Variants in RGL2 observed in about 807,000 individuals in gnomAD.
RGL2 encodes the protein ral guanine nucleotide dissociation stimulator-like 2.
A neutral mutation model predicts 84.6 loss-of-function variants in RGL2; 40 were observed. That is an observed-to-expected ratio of 0.47 (90% confidence interval 0.37 to 0.62). The LOEUF (loss-of-function observed/expected upper bound fraction) is 0.62, where lower values mean the gene tolerates loss of function less well. Ranked by LOEUF, RGL2 falls within the 20% of genes least tolerant of loss-of-function variation. The pLI, the probability that RGL2 is intolerant of heterozygous loss-of-function variation, is 0.00. For missense variants in RGL2, 865 were observed against 1,019.7 expected (o/e 0.85, Z 2.07); for synonymous variants, 369 against 417.3 (o/e 0.88, Z 1.41).
rs144269682 is a variant in RGL2, at chr6:33,292,115, C to G, written c.2321G>C (p.Arg774Pro). The G allele has an allele frequency of 6.2e-7, 1 of 1,614,036 alleles. No individual in the cohort carries two copies. Among genetic ancestry groups the G allele is most frequent in the African/African-American group, 1.3e-5 (1 of 74,922 alleles). Reference protein sequence around the residue: ...RIKATGRKIARALF With the variant: ...RIKATGRKIAPALF ...GGGGCTTCCTCCTCAGAACAGTGCC[C>G]GTGCAATCTTCCTCCCTGTGGCCTT... Residue 774 changes from arginine to proline, a missense_variant, in exon 18 of 18, where the codon CGG (arginine) becomes CCG (proline). This residue lies in a region of RGL2 where 302 missense variants were observed against 327.9 expected (regional missense o/e 0.92). Transcript: ENST00000497454.
chr6:33,293,961 C>T lies in RGL2; in HGVS notation c.1387-45G>A, dbSNP rs1355092121. On this transcript the variant is annotated intron_variant, in intron 12 of 17. Coordinates refer to ENST00000497454, the MANE Select transcript of RGL2 (RefSeq NM_004761.5). The surrounding 1 kb of genome is among the most constrained non-coding windows in gnomAD (Gnocchi z 7.0). The stretch of plus-strand genomic sequence containing the variant: ...CTGCAGGAGCCAAAACTCAGGGACC[C>T]CTGACTTTTCCCCCTCCCCTTCCTG... 16 of 1,614,094 alleles carry T rather than the reference C, an allele frequency of 9.9e-6. No homozygotes were observed. The highest frequency in any genetic ancestry group is 1.4e-5 in the Non-Finnish European group (16 of 1,180,016).
Position 33,298,662 on chromosome 6 carries a change from A to C in RGL2, c.-41-11T>G. ...GGGCCATGGGGGCGCCTGGGGAGAG[A>C]CGGGGTGGGGTGGGGGTGGAGAGTC... On this transcript the variant is annotated splice_polypyrimidine_tract_variant and intron_variant, in intron 1 of 17. Coordinates refer to ENST00000497454, the MANE Select transcript of RGL2 (RefSeq NM_004761.5). The surrounding 1 kb of genome is among the most constrained non-coding windows in gnomAD (Gnocchi z 4.8). The C allele has an allele frequency of 1.4e-5, 14 of 986,882 alleles. No individual in the cohort carries two copies. Among genetic ancestry groups the C allele is most frequent in the Non-Finnish European group, 1.8e-5 (13 of 716,720 alleles). 61.1% of individuals were successfully genotyped at this position (986,882 alleles called of 1,614,324 possible).
chr6:33,296,818 T>G lies in RGL2; in HGVS notation c.241-42A>C. On this transcript the variant is annotated intron_variant, in intron 3 of 17. Coordinates refer to ENST00000497454, the MANE Select transcript of RGL2 (RefSeq NM_004761.5). The surrounding 1 kb of genome is among the most constrained non-coding windows in gnomAD (Gnocchi z 5.0). ...GATGATCGCTAACCCTTTCTCCCAC[T>G]CTGCACCTAGATTTCTGAGGACAAT... 3 of 1,611,532 alleles carry G rather than the reference T, an allele frequency of 1.9e-6. No homozygotes were observed. Among genetic ancestry groups the G allele is most frequent in the South Asian group, 1.1e-5 (1 of 91,032 alleles).
Position 33,292,258 on chromosome 6 carries a change from G to T in RGL2, c.2178C>A (p.His726Gln), listed in dbSNP as rs150821437. ...NVFYAMDGAS[H>Q]DFLLRQRRRS... ...TTCGCCGCTGCCGCAGGAGGAAATC[G>T]TGTGAAGCTCCATCCATGGCGTAGA... Residue 726 changes from histidine (H) to glutamine (Q), a missense_variant, in exon 18 of 18, where the codon CAC becomes CAA. Transcript: ENST00000497454. 3.7e-6 allele frequency: 6 copies of T among 1,614,166 alleles called. No individual in the cohort carries two copies. The Admixed American group carries it at 8.3e-5, about 22-fold the overall frequency.
chr6:33,292,947 C>T, intron 16 of RGL2, 69 bp downstream of exon 16: 1 of 1,587,646 alleles, frequency 6.3e-7, no homozygotes, highest in East Asian at 2.2e-5. Flanking sequence ...GCTGCCCAAA[C>T]CTCAGACAAC....
rs115924940 is a variant in RGL2 at position 33,292,288 on chromosome 6, A to G, written c.2148T>C (p.Asn716=). Residue 716 remains asparagine (N), a synonymous_variant, in exon 18 of 18, where the codon AAT becomes AAC. Coordinates refer to ENST00000497454, the MANE Select transcript of RGL2 (RefSeq NM_004761.5). ...ERELTIPASA[N]VFYAMDGASH... ...AAGCTCCATCCATGGCGTAGAATAC[A>G]TTAGCCGAGGCTGGGATAGTCAGCT... The G allele has an allele frequency of 6.4e-4, 1,037 of 1,614,154 alleles. 8 individuals carry two copies. In the East Asian group the frequency reaches 0.016, roughly 25 times the overall value.
Position 33,294,166 on chromosome 6 carries a change from C to A in RGL2, c.1354-100G>T. ...TAAACACACACAGCCACATCCAACT[C>A]ACAACCACTTCCCTCCAGCCTCTCT... On this transcript the variant is annotated intron_variant, in intron 11 of 17. Transcript: ENST00000497454. This position sits in a 1 kb window ranked among gnomAD's most constrained non-coding sequence, Gnocchi z 5.0. The A allele has an allele frequency of 7.1e-7, 1 of 1,402,016 alleles. No individual in the cohort carries two copies. The highest frequency in any genetic ancestry group is 9.8e-7 in the Non-Finnish European group (1 of 1,020,922). 86.8% of individuals were successfully genotyped at this position (1,402,016 alleles called of 1,614,324 possible).
In RGL2 at chr6:33,298,366, G is replaced by A; in HGVS notation, c.156+89C>T. On this transcript the variant is annotated intron_variant, in intron 2 of 17. Transcript: ENST00000497454. This position sits in a 1 kb window ranked among gnomAD's most constrained non-coding sequence, Gnocchi z 4.8. ...GAGGCGCGAGAATAACTGAGGCAAGGAGGAGGAGATGTAGGGACCCAGAGA... is the reference window on the plus strand; with the variant it reads ...GAGGCGCGAGAATAACTGAGGCAAGAAGGAGGAGATGTAGGGACCCAGAGA... The A allele has an allele frequency of 8.7e-6, 6 of 689,680 alleles. No homozygotes were observed. The highest frequency in any genetic ancestry group is 1.4e-5 in the Non-Finnish European group (6 of 421,458). The allele number at this position is 689,680 out of a possible 1,614,324, so 42.7% of individuals were successfully genotyped here.
chr6:33,291,683 T>C lies in RGL2; in HGVS notation c.*419A>G, dbSNP rs914708862. The C allele has an allele frequency of 3.3e-6, 1 of 301,506 alleles. No homozygotes were observed. Among genetic ancestry groups the C allele is most frequent in the Admixed American group, 5.0e-5 (1 of 20,198 alleles). The allele number at this position is 301,506 out of a possible 1,614,324, so 18.7% of individuals were successfully genotyped here. On this transcript the variant is annotated 3_prime_UTR_variant, in exon 18 of 18. Transcript: ENST00000497454. ...ATTCAGGTAGTGTTTTGGTTTATTA[T>C]CTTAGTGTTGTCACAGTGATAGAAA...
rs1269879469 is a variant in RGL2 at position 33,297,618 on chromosome 6, CCTCCACTAT to C, written c.157-512_157-504del. 3 of 155,298 alleles carry C rather than the reference CCTCCACTAT, an allele frequency of 1.9e-5. No homozygotes were observed. Among genetic ancestry groups the C allele is most frequent in the African/African-American group, 7.2e-5 (3 of 41,526 alleles). 9.6% of individuals were successfully genotyped at this position (155,298 alleles called of 1,614,324 possible). ...TTTCACCCTGGTCCCTCGGGTAGCG[CCTCCACTAT>C]CTCAGCCCTAAGGGACCCCCGAAGG... is the stretch of plus-strand genomic sequence containing the variant. On this transcript the variant is annotated intron_variant, in intron 2 of 17. Transcript: ENST00000497454. The surrounding 1 kb of genome is among the most constrained non-coding windows in gnomAD (Gnocchi z 4.0).
At position 33,295,962 on chromosome 6, in the gene RGL2, G is replaced by A; in HGVS notation, c.768+66C>T. The A allele has an allele frequency of 1.3e-6, 2 of 1,578,034 alleles. No individual in the cohort carries two copies. The highest frequency in any genetic ancestry group is 1.7e-6 in the Non-Finnish European group (2 of 1,151,798). On this transcript the variant is annotated intron_variant, in intron 6 of 17. Transcript: ENST00000497454. This position sits in a 1 kb window ranked among gnomAD's most constrained non-coding sequence, Gnocchi z 7.2. Reference sequence around the variant, plus strand: ...CAGGAAGGGGTGGAAGCAAGGAAAGGATCTGGAGTCAAGGAGAGGTTAGTA... The same window carrying A: ...CAGGAAGGGGTGGAAGCAAGGAAAGAATCTGGAGTCAAGGAGAGGTTAGTA...
chr6:33,295,231 G>A lies in RGL2; in HGVS notation c.1125-20C>T, dbSNP rs374886390. ...CTGTCCCTGGGGAAGGGAGAAAAGT[G>A]GCCCTGAGGACAGGCCTGGCTCTGT... On this transcript the variant is annotated intron_variant, in intron 8 of 17. Coordinates refer to ENST00000497454, the MANE Select transcript of RGL2 (RefSeq NM_004761.5). The surrounding 1 kb of genome is among the most constrained non-coding windows in gnomAD (Gnocchi z 7.2). 2 of 1,588,962 alleles carry A rather than the reference G, an allele frequency of 1.3e-6. No homozygotes were observed. The highest frequency in any genetic ancestry group is 2.7e-5 in the African/African-American group (2 of 74,440).
chr6:33,296,705 T>C lies in RGL2; in HGVS notation c.312A>G (p.Leu104=), dbSNP rs775137376. ...CAGTCCCTGATGTCCGGGTATCCAG[T>C]AGGTGTCTGACCAGGGCCTCCAGAG... ...AGTLEALVRH[L]LDTRTSGTDV... Residue 104 remains leucine, a synonymous_variant, in exon 4 of 18, where the codon CTA becomes CTG. Transcript: ENST00000497454. This position sits in a 1 kb window ranked among gnomAD's most constrained non-coding sequence, Gnocchi z 5.0. The C allele has an allele frequency of 1.2e-6, 2 of 1,613,802 alleles. No homozygotes were observed. The highest frequency in any genetic ancestry group is 1.3e-5 in the African/African-American group (1 of 74,878).
Position 33,292,363 on chromosome 6 carries a change from ACAGCCGCC to A in RGL2, c.2123-58_2123-51del, listed in dbSNP as rs746319509. On this transcript the variant is annotated intron_variant, in intron 17 of 17. Coordinates refer to ENST00000497454, the MANE Select transcript of RGL2 (RefSeq NM_004761.5). ...AAGCACACACACAGTTGTTCCCCCC[ACAGCCGCC>A]CAGATGTGGAAGTACTCCACTCTCC... 2.3e-5 allele frequency: 37 copies of A among 1,609,318 alleles called. No homozygotes were observed. In the African/African-American group the frequency reaches 4.8e-4, roughly 21 times the overall value.
At chr6:33,292,989 C>T in intron 16 of RGL2, 27 bp downstream of exon 16, 1 of 1,613,918 alleles carries the variant, frequency 6.2e-7, no homozygotes, top group Non-Finnish European at 8.5e-7. Context: ...CATCCTTCAC[C>T]CCAACTCCAT....
rs1248414636 is a variant in RGL2 at position 33,294,797 on chromosome 6, A to G, written c.1279-35T>C. On this transcript the variant is annotated intron_variant, in intron 10 of 17. Coordinates refer to ENST00000497454, the MANE Select transcript of RGL2 (RefSeq NM_004761.5). The surrounding 1 kb of genome is among the most constrained non-coding windows in gnomAD (Gnocchi z 5.0). ...GGGGTCAGGGTCAGAAGTGCCTGCC[A>G]TTGACGTGAGGGCCCTCCATCCCTC... The G allele has an allele frequency of 6.2e-7, 1 of 1,607,100 alleles. No individual in the cohort carries two copies. Among genetic ancestry groups the G allele is most frequent in the Non-Finnish European group, 8.5e-7 (1 of 1,174,912 alleles).
At position 33,294,867 on chromosome 6, in the gene RGL2, C is replaced by T. The variant is rs187520213; in HGVS notation, c.1279-105G>A. On this transcript the variant is annotated intron_variant, in intron 10 of 17. Coordinates refer to ENST00000497454, the MANE Select transcript of RGL2 (RefSeq NM_004761.5). This position sits in a 1 kb window ranked among gnomAD's most constrained non-coding sequence, Gnocchi z 5.0. ...GCCTCAGAGAACAGATTTCATTCTC[C>T]TCACCCCTCTGTGCCTCCCTTACCC... 523 of 1,490,332 alleles carry T rather than the reference C, an allele frequency of 3.5e-4. 8 individuals are homozygous for T. The East Asian group carries it at 8.5e-3, about 24-fold the overall frequency. 92.3% of individuals were successfully genotyped at this position (1,490,332 alleles called of 1,614,324 possible). A position where few individuals can be genotyped will look rare whatever the true frequency, so the allele number is the denominator to read the frequency against.
chr6:33,291,906 C>A lies in RGL2; in HGVS notation c.*196G>T. 1 of 625,826 alleles carries A rather than the reference C, an allele frequency of 1.6e-6. No individual in the cohort carries two copies. Among genetic ancestry groups the A allele is most frequent in the Non-Finnish European group, 2.8e-6 (1 of 355,828 alleles). 38.8% of individuals were successfully genotyped at this position (625,826 alleles called of 1,614,324 possible). A position where few individuals can be genotyped will look rare whatever the true frequency, so the allele number is the denominator to read the frequency against. On this transcript the variant is annotated 3_prime_UTR_variant, in exon 18 of 18. Coordinates refer to ENST00000497454, the MANE Select transcript of RGL2 (RefSeq NM_004761.5). ...TGGGAAGCTATACACAGGTATCCAA[C>A]TTGGTTATAAGACACCAGTTCCCAC... is the stretch of plus-strand genomic sequence containing the variant.
Position 33,294,451 on chromosome 6 carries a change from C to T in RGL2, c.1353+237G>A, listed in dbSNP as rs1006214875. 2.0e-5 allele frequency among the ~76,000 whole-genome samples: 3 copies of T among 152,134 alleles called. No individual in the cohort carries two copies. Among genetic ancestry groups the T allele is most frequent in the Non-Finnish European group, 4.4e-5 (3 of 68,036 alleles). On this transcript the variant is annotated intron_variant, in intron 11 of 17. Coordinates refer to ENST00000497454, the MANE Select transcript of RGL2 (RefSeq NM_004761.5). This position sits in a 1 kb window ranked among gnomAD's most constrained non-coding sequence, Gnocchi z 5.0. ...CCTAGATGTGCTTACGTTTCAGGCA[C>T]GTTCTAAGCACTTGACAAATACAAA...
Sources: gnomAD v4.1 joint callset for allele counts (sites outside exome capture counted in the v4.1 genomes callset) on GRCh38, gnomAD v4.1.1 for gene constraint, gnomAD v4.1.1 regional missense constraint, Gnocchi (gnomAD v3.1) non-coding constraint, MANE v1.5 for transcripts, NCBI Gene and HGNC (gene_info 2026-07-23, HGNC 2026-07-21) for gene names.